Variants in CFAP299 observed in about 807,000 individuals in gnomAD.
CFAP299 encodes cilia- and flagella-associated protein 299.
In CFAP299, 21 loss-of-function variants were observed where a neutral mutation model predicts 27.0. The ratio of observed to expected loss-of-function variants is 0.78; its 90% CI spans 0.55 to 1.12. The LOEUF (loss-of-function observed/expected upper bound fraction) is 1.12. CFAP299 is among the 50% of genes most tolerant of loss of function. CFAP299 has a pLI of 0.00. For synonymous variants in CFAP299, 104 were observed against 98.1 expected, an observed-to-expected ratio of 1.06 and a Z score of -0.36; for missense variants, 310 against 276.6, an observed-to-expected ratio of 1.12 and a Z score of -0.86.
chr4:80,943,790 T>G (rs987363364), intron 4 of CFAP299, among the ~76,000 whole-genome samples: 1 of 152,058 alleles, frequency 6.6e-6, no homozygotes, highest in Non-Finnish European at 1.5e-5. Context: ...TAAAATGGGC[T>G]GGGCATAGTG....
chr4:80,609,142 T>G (rs1037054788), intron 3 of CFAP299, among the ~76,000 whole-genome samples: 2 of 152,052 alleles, frequency 1.3e-5, no homozygotes, highest in African/African-American at 4.8e-5. Context: ...TATTTGCTAC[T>G]TGAGTACTTT....
At chr4:80,409,953 G>C (rs1726633952) in intron 2 of CFAP299, among the ~76,000 whole-genome samples, 2 of 152,152 alleles carry the variant, frequency 1.3e-5, no homozygotes, top group Non-Finnish European at 2.9e-5. Context: ...GTTTGGCAAG[G>C]GTATGGAGAC....
chr4:80,773,217 T>C (rs1007200996), intron 3 of CFAP299, among the ~76,000 whole-genome samples: 1 of 152,158 alleles, frequency 6.6e-6, no homozygotes, highest in Non-Finnish European at 1.5e-5. Context: ...TCAGATATCA[T>C]TTAAATATTC....
chr4:80,931,145 AAGTGAGTG>A (rs3038546), intron 4 of CFAP299, among the ~76,000 whole-genome samples: 24,913 of 135,040 alleles, frequency 0.18, 4,272 homozygotes, highest in African/African-American at 0.44. Context: ...ACATAATAAT[AAGTGAGTG>A]AGTGAGTGAG....
At chr4:80,507,681 G>A (rs1732102946) in intron 2 of CFAP299, among the ~76,000 whole-genome samples, 3 of 152,048 alleles carry the variant, frequency 2.0e-5, no homozygotes, top group Admixed American at 6.6e-5. Context: ...CCTAGAACAC[G>A]TGGATCTGAG....
At chr4:80,447,119 GTTTTTTTTTTGTT>G (rs1358007641) in intron 2 of CFAP299, among the ~76,000 whole-genome samples, 20 of 65,528 alleles carry the variant, frequency 3.1e-4, no homozygotes, top group Admixed American at 1.9e-3. Flanking sequence ...CTTTTTATTT[GTTTTTTTTTTGTT>G]TTTTTTTTTT....
intron 3 of CFAP299, among the ~76,000 whole-genome samples, chr4:80,707,728 T>C (rs1014313557): frequency 5.9e-5 from 9 of 152,090 alleles, no homozygotes; most frequent in African/African-American, 1.2e-4. Flanking sequence ...CTCAGGTATA[T>C]AAAATCAATT....
intron 3 of CFAP299, among the ~76,000 whole-genome samples, chr4:80,619,087 G>A (rs752695888): frequency 1.3e-5 from 2 of 152,062 alleles, no homozygotes; most frequent in Non-Finnish European, 2.9e-5. Context: ...TTGTTAGATG[G>A]TAATTATTCT....
At chr4:80,876,128 T>C (rs1003872342) in intron 4 of CFAP299, among the ~76,000 whole-genome samples, 5 of 148,322 alleles carry the variant, frequency 3.4e-5, no homozygotes, top group African/African-American at 1.2e-4. Context: ...TATTACATAT[T>C]ATATATAAAT....
chr4:80,913,944 G>A (rs774601090), intron 4 of CFAP299, among the ~76,000 whole-genome samples: 3 of 152,154 alleles, frequency 2.0e-5, no homozygotes, highest in East Asian at 1.9e-4. Context: ...GAACTGAACA[G>A]TCTGTACTGT....
chr4:80,542,987 C>T (rs1304060808), intron 2 of CFAP299, among the ~76,000 whole-genome samples: 1 of 152,102 alleles, frequency 6.6e-6, no homozygotes, highest in Non-Finnish European at 1.5e-5. Flanking sequence ...GGCCTAGGAG[C>T]ACCTCAAACC....
intron 3 of CFAP299, among the ~76,000 whole-genome samples, chr4:80,844,938 G>A (rs1464769945): frequency 6.6e-6 from 1 of 152,132 alleles, no homozygotes; most frequent in African/African-American, 2.4e-5. Context: ...TGTATAAGGT[G>A]TAAGGAAGGG....
chr4:80,506,038 G>A (rs1732020105), intron 2 of CFAP299, among the ~76,000 whole-genome samples: 1 of 150,960 alleles, frequency 6.6e-6, no homozygotes, highest in East Asian at 1.9e-4. Context: ...ATAATAACTG[G>A]CAATTTATGT....
chr4:80,820,241 C>A (rs1453015589), intron 3 of CFAP299, among the ~76,000 whole-genome samples: 1 of 152,086 alleles, frequency 6.6e-6, no homozygotes, highest in Non-Finnish European at 1.5e-5. Context: ...AAGGCCAGGT[C>A]TTTATGCATT....
At chr4:80,462,019 T>C (rs1443958553) in intron 2 of CFAP299, among the ~76,000 whole-genome samples, 1 of 152,132 alleles carries the variant, frequency 6.6e-6, no homozygotes, top group African/African-American at 2.4e-5. Flanking sequence ...GATTCTAATC[T>C]CATTTACCAA....
chr4:80,632,505 A>G lies in CFAP299; in HGVS notation c.333+49322A>G, dbSNP rs565120178. On this transcript the variant is annotated intron_variant, in intron 3 of 5. Coordinates refer to ENST00000358105, the MANE Select transcript of CFAP299 (RefSeq NM_152770.3). ...CTAGCTACAGGTAATAAAACTCTGG[A>G]CAATATTAACAAGTCTCTTGCCATC... 5.9e-5 allele frequency among the ~76,000 whole-genome samples: 9 copies of G among 152,298 alleles called. No individual in the cohort carries two copies. The East Asian group carries it at 1.7e-3, about 29-fold the overall frequency.
At chr4:80,497,403 T>G (rs1229962111) in intron 2 of CFAP299, among the ~76,000 whole-genome samples, 1 of 152,212 alleles carries the variant, frequency 6.6e-6, no homozygotes, top group Non-Finnish European at 1.5e-5. Flanking sequence ...GCCAATAAAA[T>G]TAAAATATGC....
rs544324432 is a variant in CFAP299 at position 80,681,783 on chromosome 4, T to A, written c.333+98600T>A. On this transcript the variant is annotated intron_variant, in intron 3 of 5. Transcript: ENST00000358105. ...TGACTATCAAATATTCTGTAAAGTCTTCTAAGCCCATGAATACTTTGTGGG... is the reference window on the plus strand; with the variant it reads ...TGACTATCAAATATTCTGTAAAGTCATCTAAGCCCATGAATACTTTGTGGG... Among the ~76,000 whole-genome samples the A allele has an allele frequency of 2.1e-3, 313 of 152,314 alleles. 3 individuals carry two copies. Among genetic ancestry groups the A allele is most frequent in the South Asian group, 3.3e-3 (16 of 4,832 alleles).
intron 2 of CFAP299, among the ~76,000 whole-genome samples, chr4:80,576,194 AAAAAT>A (rs201755029): frequency 0.19 from 8,507 of 44,212 alleles, 270 homozygotes; most frequent in Admixed American, 0.25. Flanking sequence ...TAATAAAAAA[AAAAAT>A]ATATATATAT....
Sources: allele counts gnomAD v4.1 joint callset (sites outside exome capture counted in the v4.1 genomes callset), GRCh38; gene constraint gnomAD v4.1.1; transcripts MANE v1.5; gene names NCBI Gene and HGNC (gene_info 2026-07-23, HGNC 2026-07-21).